Variants in SGCZ observed in about 807,000 individuals in gnomAD.
The protein encoded by SGCZ is sarcoglycan zeta.
SGCZ carries 40 observed loss-of-function variants against 41.3 expected under a neutral mutation model. The ratio of observed to expected loss-of-function variants is 0.97; its 90% confidence interval spans 0.75 to 1.26. The LOEUF (loss-of-function observed/expected upper bound fraction) is 1.26. Among genes scored for constraint, SGCZ ranks in the 50% most tolerant of loss-of-function variants. The pLI, the probability that SGCZ is intolerant of heterozygous loss-of-function variation, is 0.00. For synonymous variants in SGCZ, 206 were observed against 137.5 expected (o/e 1.50, Z -3.49); for missense variants, 552 against 369.8 (o/e 1.49, Z -4.04).
rs1554510905 is a variant in SGCZ at position 14,847,185 on chromosome 8, A to AG, written c.40-292260dup. On this transcript the variant is annotated intron_variant, in intron 1 of 7. Transcript: ENST00000382080. Reference sequence around the variant, plus strand: ...AAGAAGAAGAAGAAGAAGAAGAAGAAGAGAAAAATACCAATTCTACAAAAA... The same window carrying AG: ...AAGAAGAAGAAGAAGAAGAAGAAGAAGGAGAAAAATACCAATTCTACAAAAA... Among the ~76,000 whole-genome samples the AG allele has an allele frequency of 1.6e-3, 243 of 148,516 alleles. 1 individual carries two copies. Among genetic ancestry groups the AG allele is most frequent in the African/African-American group, 6.1e-3 (238 of 39,054 alleles).
intron 1 of SGCZ, among the ~76,000 whole-genome samples, chr8:15,222,050 G>A (rs530176824): frequency 3.7e-4 from 56 of 151,998 alleles, no homozygotes; most frequent in African/African-American, 1.0e-3. Flanking sequence ...CTTCTCCTTC[G>A]TAATTACGTA....
intron 3 of SGCZ, among the ~76,000 whole-genome samples, chr8:14,257,633 T>TC (rs959006482): frequency 7.9e-6 from 1 of 126,988 alleles, no homozygotes; most frequent in African/African-American, 2.7e-5. Context: ...CCCTCCCTCC[T>TC]CCCCCCGCCC....
chr8:14,785,751 C>T (rs779696115), intron 1 of SGCZ, among the ~76,000 whole-genome samples: 10 of 152,264 alleles, frequency 6.6e-5, no homozygotes, highest in African/African-American at 2.2e-4. Context: ...CAAATTCACA[C>T]GGGCTTTAAC....
intron 3 of SGCZ, among the ~76,000 whole-genome samples, chr8:14,313,954 G>C (rs1357112854): frequency 7.4e-6 from 1 of 134,854 alleles, no homozygotes; most frequent in African/African-American, 2.8e-5. Flanking sequence ...GTGTGTGTGT[G>C]TTGGTGGAGA....
chr8:14,170,616 AT>A (rs1804349555), intron 4 of SGCZ, among the ~76,000 whole-genome samples: 1 of 152,138 alleles, frequency 6.6e-6, no homozygotes, highest in African/African-American at 2.4e-5. Flanking sequence ...CCACTGTTTT[AT>A]TTAAGGGTCC....
intron 2 of SGCZ, among the ~76,000 whole-genome samples, chr8:14,459,846 G>A (rs1365132934): frequency 1.3e-5 from 2 of 152,012 alleles, no homozygotes; most frequent in Non-Finnish European, 2.9e-5. Context: ...AAACATCAGA[G>A]AACCCCAAAT....
At chr8:14,850,104 T>A (rs889166338) in intron 1 of SGCZ, among the ~76,000 whole-genome samples, 1 of 152,146 alleles carries the variant, frequency 6.6e-6, no homozygotes, top group African/African-American at 2.4e-5. Context: ...AAGAAAAAAA[T>A]TTATTTTCAA....
intron 1 of SGCZ, among the ~76,000 whole-genome samples, chr8:14,751,583 A>AT (rs1355865998): frequency 6.6e-6 from 1 of 152,164 alleles, no homozygotes; most frequent in Non-Finnish European, 1.5e-5. Flanking sequence ...ATTTCCACAG[A>AT]TTGAAGTCAT....
chr8:14,204,592 G>C (rs949152309), intron 4 of SGCZ, among the ~76,000 whole-genome samples: 1 of 152,174 alleles, frequency 6.6e-6, no homozygotes, highest in African/African-American at 2.4e-5. Flanking sequence ...CTGTTAGGGT[G>C]TTTCAGAGGA....
chr8:14,279,769 A>G (rs995151796), intron 3 of SGCZ, among the ~76,000 whole-genome samples: 1 of 151,970 alleles, frequency 6.6e-6, no homozygotes, highest in African/African-American at 2.4e-5. Context: ...ACAACCATTT[A>G]GATATTTAAT....
chr8:14,660,435 G>A (rs937034518), intron 1 of SGCZ, among the ~76,000 whole-genome samples: 1 of 151,916 alleles, frequency 6.6e-6, no homozygotes. Context: ...AGCCAGGCGT[G>A]GTGGTGGGCA....
intron 1 of SGCZ, among the ~76,000 whole-genome samples, chr8:15,112,638 T>G (rs1465930712): frequency 6.6e-6 from 1 of 152,178 alleles, no homozygotes; most frequent in Non-Finnish European, 1.5e-5. Context: ...TGCTTGTTAT[T>G]GAAACACAGC....
chr8:14,688,753 T>C (rs1009183239), intron 1 of SGCZ, among the ~76,000 whole-genome samples: 2 of 151,944 alleles, frequency 1.3e-5, no homozygotes, highest in Middle Eastern at 3.2e-3. Flanking sequence ...TAGTTGGAAG[T>C]TCTGGCCAGG....
At chr8:14,213,582 T>C (rs1278466139) in intron 4 of SGCZ, among the ~76,000 whole-genome samples, 1 of 152,038 alleles carries the variant, frequency 6.6e-6, no homozygotes, top group Non-Finnish European at 1.5e-5. Context: ...AGCTATGCTA[T>C]TAGCACGCTT....
rs527662149 is a variant in SGCZ at position 15,174,890 on chromosome 8, T to G, written c.39+62695A>C. Among the ~76,000 whole-genome samples, 22 of 152,176 alleles carry G rather than the reference T, an allele frequency of 1.4e-4. No individual in the cohort carries two copies. The South Asian group carries it at 4.4e-3, about 30-fold the overall frequency. ...TGGAGTCAAAGTAATGCTTACACAC[T>G]GTTGGGAGGAGTGTAAATTAATTCA... On this transcript the variant is annotated intron_variant, in intron 1 of 7. Transcript: ENST00000382080.
intron 1 of SGCZ, among the ~76,000 whole-genome samples, chr8:14,902,830 A>G (rs1225075352): frequency 2.0e-5 from 3 of 152,162 alleles, no homozygotes; most frequent in Non-Finnish European, 4.4e-5. Context: ...GCTAATATTT[A>G]CTCAGAAGTC....
intron 1 of SGCZ, among the ~76,000 whole-genome samples, chr8:14,971,896 C>T (rs549247931): frequency 6.6e-6 from 1 of 151,982 alleles, no homozygotes; most frequent in Non-Finnish European, 1.5e-5. Context: ...GATCACCCTG[C>T]CTCGGCCTCC....
chr8:14,235,604 C>CA (rs1212599207), intron 4 of SGCZ, among the ~76,000 whole-genome samples: 1 of 152,140 alleles, frequency 6.6e-6, no homozygotes, highest in African/African-American at 2.4e-5. Flanking sequence ...TTCACGTAAT[C>CA]AAATGATTGC....
At chr8:14,776,624 G>A (rs1468839902) in intron 1 of SGCZ, among the ~76,000 whole-genome samples, 1 of 147,692 alleles carries the variant, frequency 6.8e-6, no homozygotes, top group East Asian at 2.0e-4. Flanking sequence ...CTCCCGAGTA[G>A]CTGGGACTAC....
Sources: allele counts gnomAD v4.1 joint callset (sites outside exome capture counted in the v4.1 genomes callset), GRCh38; gene constraint gnomAD v4.1.1; transcripts MANE v1.5; gene names NCBI Gene and HGNC (gene_info 2026-07-23, HGNC 2026-07-21).